The following DLG2 variants were observed in gnomAD, a reference collection of about 807,000 sequenced individuals.
DLG2 encodes the protein discs large MAGUK scaffold protein 2.
In DLG2, 45 loss-of-function variants were observed where a neutral mutation model predicts 132.5. The observed-to-expected ratio is 0.34, with a 90% CI of 0.27 to 0.44. The LOEUF (loss-of-function observed/expected upper bound fraction) is 0.44. Ranked by LOEUF, DLG2 falls within the 20% of genes least tolerant of loss-of-function variation. The pLI is 1.00. For synonymous variants in DLG2, 424 were observed against 419.6 expected, an observed-to-expected ratio of 1.01 and a Z score of -0.13; for missense variants, 1,045 against 1,196.9, an observed-to-expected ratio of 0.87 and a Z score of 1.87.
chr11:83,886,330 A>G (rs898670545), intron 15 of DLG2, among the ~76,000 whole-genome samples: 4 of 152,230 alleles, frequency 2.6e-5, no homozygotes, highest in African/African-American at 7.2e-5. Context: ...TTAAACCAAC[A>G]AAGATCAAAA....
intron 5 of DLG2, among the ~76,000 whole-genome samples, chr11:85,133,598 T>C (rs1200086765): frequency 6.6e-6 from 1 of 152,220 alleles, no homozygotes; most frequent in East Asian, 1.9e-4. Flanking sequence ...CCTATGTGTG[T>C]GGTCCATGAC....
chr11:83,601,212 G>A (rs977315312), intron 19 of DLG2, among the ~76,000 whole-genome samples: 1 of 152,190 alleles, frequency 6.6e-6, no homozygotes, highest in Non-Finnish European at 1.5e-5. Context: ...ATAATCAGGG[G>A]AAGTGGGGTA....
intron 18 of DLG2, among the ~76,000 whole-genome samples, chr11:83,700,184 G>T (rs2082681028): frequency 6.6e-6 from 1 of 152,098 alleles, no homozygotes; most frequent in Admixed American, 6.5e-5. Context: ...ATATAATAAT[G>T]TATTGAAAGA....
At chr11:84,905,075 A>T (rs541743791) in intron 6 of DLG2, among the ~76,000 whole-genome samples, 4 of 152,228 alleles carry the variant, frequency 2.6e-5, no homozygotes, top group Admixed American at 2.0e-4. Context: ...TGGTAGACAC[A>T]GGATTTCACC....
chr11:84,294,609 A>G lies in DLG2; in HGVS notation c.520-43318T>C, dbSNP rs144617306. ...TGAGACTCTGTCTCAAAAAAAATAA[A>G]TAAATGAAAATGAAGAACATCTCTT... On this transcript the variant is annotated intron_variant, in intron 7 of 27. Coordinates refer to ENST00000376104, the MANE Select transcript of DLG2 (RefSeq NM_001142699.3). Among the ~76,000 whole-genome samples, 568 of 152,344 alleles carry G rather than the reference A, an allele frequency of 3.7e-3. 5 individuals carry two copies. Among genetic ancestry groups the G allele is most frequent in the Admixed American group, 5.1e-3 (78 of 15,302 alleles).
intron 7 of DLG2, among the ~76,000 whole-genome samples, chr11:84,274,888 C>G (rs945289087): frequency 7.9e-5 from 12 of 152,204 alleles, no homozygotes; most frequent in Non-Finnish European, 1.8e-4. Context: ...AGTCCCTCCT[C>G]TGCCTTCATT....
intron 3 of DLG2, among the ~76,000 whole-genome samples, chr11:85,419,060 T>A (rs999764699): frequency 1.3e-5 from 2 of 152,208 alleles, no homozygotes; most frequent in Admixed American, 6.5e-5. Context: ...TGGCTTGTAC[T>A]GGTTGTTCCT....
chr11:84,045,172 T>C (rs1463237641), intron 11 of DLG2, among the ~76,000 whole-genome samples: 1 of 151,806 alleles, frequency 6.6e-6, no homozygotes, highest in East Asian at 1.9e-4. Flanking sequence ...ATCTTTCCAT[T>C]ATTTTTATAA....
intron 9 of DLG2, among the ~76,000 whole-genome samples, chr11:84,150,427 G>A (rs536935301): frequency 6.6e-6 from 1 of 152,248 alleles, no homozygotes; most frequent in East Asian, 1.9e-4. Context: ...TTTATATACT[G>A]AAACTTTACT....
chr11:84,659,224 T>A (rs995279289), intron 6 of DLG2, among the ~76,000 whole-genome samples: 1 of 151,994 alleles, frequency 6.6e-6, no homozygotes, highest in African/African-American at 2.4e-5. Flanking sequence ...ATTGTGTATC[T>A]TCTGGGTGGA....
chr11:85,589,768 C>T (rs1305248246), intron 3 of DLG2, among the ~76,000 whole-genome samples: 2 of 152,116 alleles, frequency 1.3e-5, no homozygotes, highest in African/African-American at 4.8e-5. Flanking sequence ...TTATAAGTTT[C>T]CCAGCTGAGA....
At chr11:83,715,115 A>G (rs2086392235) in intron 18 of DLG2, among the ~76,000 whole-genome samples, 1 of 152,160 alleles carries the variant, frequency 6.6e-6, no homozygotes, top group African/African-American at 2.4e-5. Context: ...TTGCAAGGAC[A>G]TGGATGAAAC....
At chr11:84,510,843 T>C (rs1290597781) in intron 7 of DLG2, among the ~76,000 whole-genome samples, 1 of 149,122 alleles carries the variant, frequency 6.7e-6, no homozygotes, top group African/African-American at 2.5e-5. Flanking sequence ...TGTTTGTTTG[T>C]TTTAGGAGTG....
intron 6 of DLG2, among the ~76,000 whole-genome samples, chr11:84,699,051 C>T (rs1260125380): frequency 6.6e-6 from 1 of 151,468 alleles, no homozygotes; most frequent in Non-Finnish European, 1.5e-5. Context: ...CTCTGTGCCC[C>T]ACTCTCGAGC....
intron 3 of DLG2, among the ~76,000 whole-genome samples, chr11:85,391,362 T>C (rs1285445816): frequency 1.3e-5 from 2 of 151,980 alleles, no homozygotes; most frequent in East Asian, 3.9e-4. Flanking sequence ...ATATCAGACA[T>C]TCAAGGAATT....
intron 5 of DLG2, among the ~76,000 whole-genome samples, chr11:85,153,723 T>C (rs2077413815): frequency 6.6e-6 from 1 of 152,188 alleles, no homozygotes; most frequent in South Asian, 2.1e-4. Context: ...TTTCCAAATG[T>C]TAATAAAAAT....
intron 16 of DLG2, among the ~76,000 whole-genome samples, chr11:83,844,407 G>T (rs950169945): frequency 6.6e-6 from 1 of 151,164 alleles, no homozygotes. Flanking sequence ...AATTAGCTGG[G>T]CATGGTGGTG....
rs1256237359 is a variant in DLG2, at chr11:83,804,606, A to ACACACACACACACACG, written c.1723-17815_1723-17814insCGTGTGTGTGTGTGTG. On this transcript the variant is annotated intron_variant, in intron 17 of 27. Coordinates refer to ENST00000376104, the MANE Select transcript of DLG2 (RefSeq NM_001142699.3). Reference sequence around the variant, plus strand: ...CACACACACACACACACACACACACACAGACACACACTTTTTCTGAACCAT... The same window carrying ACACACACACACACACG: ...CACACACACACACACACACACACACACACACACACACACACGCAGACACACACTTTTTCTGAACCAT... 6.8e-4 allele frequency among the ~76,000 whole-genome samples: 104 copies of ACACACACACACACACG among 151,866 alleles called. 1 individual carries two copies. Among genetic ancestry groups the ACACACACACACACACG allele is most frequent in the African/African-American group, 2.4e-3 (101 of 41,428 alleles).
At chr11:84,653,090 C>T (rs945278188) in intron 6 of DLG2, among the ~76,000 whole-genome samples, 2 of 151,870 alleles carry the variant, frequency 1.3e-5, no homozygotes, top group East Asian at 1.9e-4. Flanking sequence ...TCATCACGCC[C>T]GGATAATTTT....
Sources: gnomAD v4.1 joint callset for allele counts (sites outside exome capture counted in the v4.1 genomes callset) on GRCh38, gnomAD v4.1.1 for gene constraint, MANE v1.5 for transcripts, NCBI Gene and HGNC (gene_info 2026-07-23, HGNC 2026-07-21) for gene names.